OXA1L: variants seen among roughly 807,000 people sequenced by gnomAD.
OXA1L encodes OXA1L mitochondrial inner membrane insertase, also known as mitochondrial inner membrane protein OXA1L.
OXA1L carries 42 observed loss-of-function variants against 52.2 expected under a neutral mutation model. The ratio of observed to expected loss-of-function variants is 0.80; its 90% CI spans 0.63 to 1.04. The LOEUF (loss-of-function observed/expected upper bound fraction) is 1.04. OXA1L is among the 50% of genes least tolerant of loss of function. The pLI, the probability that OXA1L is intolerant of heterozygous loss-of-function variation, is 0.00. For missense variants in OXA1L, 572 were observed against 555.0 expected (o/e 1.03, Z -0.31); for synonymous variants, 239 against 201.9 (o/e 1.18, Z -1.56).
rs1463144461 is a variant in OXA1L at position 22,770,313 on chromosome 14, G to A, written c.669+35G>A. On this transcript the variant is annotated intron_variant, in intron 5 of 9. Coordinates refer to ENST00000612549, the MANE Select transcript of OXA1L (RefSeq NM_005015.5). ...AACATTTCCTTCCTTATTTCATCCAGTACCCATGAAATTTCCTCTCTGTGT... is the reference window on the plus strand; with the variant it reads ...AACATTTCCTTCCTTATTTCATCCAATACCCATGAAATTTCCTCTCTGTGT... 2.0e-6 allele frequency: 3 copies of A among 1,532,922 alleles called. No homozygotes were observed. In the East Asian group the frequency reaches 6.7e-5, roughly 34 times the overall value. 95.0% of individuals were successfully genotyped at this position (1,532,922 alleles called of 1,614,324 possible). A position where few individuals can be genotyped will look rare whatever the true frequency, so the allele number is the denominator to read the frequency against.
In OXA1L at chr14:22,770,473, ATCTCCTTCTT is replaced by A. The variant is rs2038448690; in HGVS notation, c.683_692del (p.Ile228ThrfsTer4). ...TCTTGTGTAATAGGCCCCAATCTTC[ATCTCCTTCTT>A]CATTGCTTTGAGAGAGATGGCCAAC... is the stretch of plus-strand genomic sequence containing the variant. On this transcript the variant is annotated frameshift_variant, in exon 6 of 10. Transcript: ENST00000612549. LOFTEE classifies it high-confidence loss of function. 1 of 1,613,494 alleles carries A rather than the reference ATCTCCTTCTT, an allele frequency of 6.2e-7. No homozygotes were observed. The highest frequency in any genetic ancestry group is 1.3e-5 in the African/African-American group (1 of 74,936).
At position 22,770,563 on chromosome 14, in the gene OXA1L, G is replaced by A; in HGVS notation, c.772G>A (p.Val258Ile). The change falls in exon 6 of 10, where the codon GTA becomes ATA. Residue 258 changes from valine to isoleucine, a missense_variant. Val to Ile is a conservative substitution (Grantham distance 29). This residue lies in a region of OXA1L where 244 missense variants were observed against 240.2 expected (regional missense o/e 1.02). Coordinates refer to ENST00000612549, the MANE Select transcript of OXA1L (RefSeq NM_005015.5). ...GGLWWFQDLT[V>I]SDPIYILPLA... ...CCTCTGGTGGTTCCAGGATCTCACG[G>A]TATCCGATCCCATCTACATATTACC... is the stretch of plus-strand genomic sequence containing the variant. The A allele has an allele frequency of 6.2e-7, 1 of 1,614,112 alleles. No individual in the cohort carries two copies. Among genetic ancestry groups the A allele is most frequent in the Non-Finnish European group, 8.5e-7 (1 of 1,179,982 alleles).
rs2139378254 is a variant in OXA1L, at chr14:22,772,282, A to C, written c.*724A>C. 1.3e-5 allele frequency: 2 copies of C among 150,314 alleles called. No homozygotes were observed. Among genetic ancestry groups the C allele is most frequent in the South Asian group, 2.1e-4 (1 of 4,702 alleles). The allele number at this position is 150,314 out of a possible 1,614,324, so 9.3% of individuals were successfully genotyped here. A position where few individuals can be genotyped will look rare whatever the true frequency, so the allele number is the denominator to read the frequency against. On this transcript the variant is annotated 3_prime_UTR_variant, in exon 10 of 10. Coordinates refer to ENST00000612549, the MANE Select transcript of OXA1L (RefSeq NM_005015.5). The stretch of plus-strand genomic sequence containing the variant: ...GGCGGATCACGAAGTCAGCAGATCG[A>C]GACCATCCTGGCCAACATGGTGAAA...
chr14:22,770,419 T>C, intron 5 of OXA1L, 42 bp from the exon 6 acceptor site: 1 of 1,602,198 alleles, frequency 6.2e-7, no homozygotes, highest in South Asian at 1.1e-5. Flanking sequence ...GAAAATGTTC[T>C]CTCTGGTAAA....
chr14:22,767,921 A>T (rs2038423214), intron 2 of OXA1L, 37 bp from the exon 3 acceptor site: 1 of 1,513,750 alleles, frequency 6.6e-7, no homozygotes, highest in Non-Finnish European at 9.1e-7. Flanking sequence ...TGTGTTCGCT[A>T]CTGAATAAAT....
At chr14:22,767,828 C>T in intron 2 of OXA1L, 130 bp from the exon 3 acceptor site, 1 of 655,086 alleles carries the variant, frequency 1.5e-6, no homozygotes, top group Non-Finnish European at 2.5e-6. Context: ...TTGAAATCTG[C>T]AGACACTAGG....
At position 22,772,471 on chromosome 14, in the gene OXA1L, A is replaced by ACG. The variant is rs2038484547; in HGVS notation, c.*913_*914insCG. The ACG allele has an allele frequency of 7.7e-6, 1 of 129,820 alleles. No homozygotes were observed. The highest frequency in any genetic ancestry group is 1.6e-5 in the Non-Finnish European group (1 of 63,890). 8.0% of individuals were successfully genotyped at this position (129,820 alleles called of 1,614,324 possible). ...GCCACTGCACTCCAGCCTGGGCAAG[A>ACG]GAGTGAGACTCCTTCTCAAAAAAAA... On this transcript the variant is annotated 3_prime_UTR_variant, in exon 10 of 10. Coordinates refer to ENST00000612549, the MANE Select transcript of OXA1L (RefSeq NM_005015.5).
intron 1 of OXA1L, 42 bp from the exon 2 acceptor site, chr14:22,767,206 T>C (rs749071174): frequency 1.3e-6 from 2 of 1,579,964 alleles, no homozygotes; most frequent in Non-Finnish European, 1.7e-6. Context: ...CGAGGACTTC[T>C]GCTCCCGGTA....
intron 6 of OXA1L, 72 bp downstream of exon 6, chr14:22,770,697 A>G: frequency 6.4e-7 from 1 of 1,560,022 alleles, no homozygotes. Flanking sequence ...GTTGTACAGA[A>G]TGGTCATCCT....
At position 22,772,535 on chromosome 14, in the gene OXA1L, A is replaced by G. The variant is rs1455799159; in HGVS notation, c.*977A>G. 7.0e-6 allele frequency: 1 copy of G among 143,606 alleles called. No individual in the cohort carries two copies. Among genetic ancestry groups the G allele is most frequent in the South Asian group, 2.2e-4 (1 of 4,530 alleles). The allele number at this position is 143,606 out of a possible 1,614,324, so 8.9% of individuals were successfully genotyped here. ...AAAAAAAAAACAGTTTAAACTTCCA[A>G]CCCATGCATGTGTTGTTCTATGCAC... On this transcript the variant is annotated 3_prime_UTR_variant, in exon 10 of 10. Transcript: ENST00000612549.
At chr14:22,768,282 G>C (rs1175863187) in intron 3 of OXA1L, 111 bp downstream of exon 3, 2 of 778,950 alleles carry the variant, frequency 2.6e-6, no homozygotes, top group East Asian at 5.2e-5. Flanking sequence ...AAGAGCAGAT[G>C]ATTTCAAATG....
Position 22,771,309 on chromosome 14 carries a change from G to T in OXA1L, c.1144G>T (p.Glu382Ter). ...AEMTRQLRER[E>*]QRMRNQLELA... Reference sequence around the variant, plus strand: ...AATGACGCGTCAGCTGCGAGAGCGTGAACAACGCATGCGGAATCAGTTGGA... The same window carrying T: ...AATGACGCGTCAGCTGCGAGAGCGTTAACAACGCATGCGGAATCAGTTGGA... The change falls in exon 9 of 10, where the codon GAA becomes TAA. Residue 382 changes from glutamate to a stop codon, truncating the protein, a stop_gained. Transcript: ENST00000612549. LOFTEE classifies it high-confidence loss of function. 1 of 1,614,174 alleles carries T rather than the reference G, an allele frequency of 6.2e-7. No homozygotes were observed. Among genetic ancestry groups the T allele is most frequent in the South Asian group, 1.1e-5 (1 of 91,066 alleles).
In OXA1L at chr14:22,766,773, G is replaced by C. The variant is rs368949933; in HGVS notation, c.63+9G>C. ...TACAGTCCGGGCGTCGGGTAAGGAT[G>C]CCCCGGGGCAGAGCACCGGGATGCT... On this transcript the variant is annotated intron_variant, in intron 1 of 9. Coordinates refer to ENST00000612549, the MANE Select transcript of OXA1L (RefSeq NM_005015.5). 5 of 1,613,890 alleles carry C rather than the reference G, an allele frequency of 3.1e-6. No individual in the cohort carries two copies. Among genetic ancestry groups the C allele is most frequent in the Non-Finnish European group, 4.2e-6 (5 of 1,179,992 alleles).
In OXA1L at chr14:22,771,447, G is replaced by A; in HGVS notation, c.1197G>A (p.Gln399=). ...LELAARGPLR[Q]TFTHNPLLQP... is the part of the protein sequence containing the mutation. Reference sequence around the variant, plus strand: ...TTCTCCCCTCAGGTCCTTTACGACAGACCTTTACCCACAACCCTCTCCTAC... The same window carrying A: ...TTCTCCCCTCAGGTCCTTTACGACAAACCTTTACCCACAACCCTCTCCTAC... The change falls in exon 10 of 10, where the codon CAG becomes CAA. Residue 399 remains glutamine, a synonymous_variant. Coordinates refer to ENST00000612549, the MANE Select transcript of OXA1L (RefSeq NM_005015.5). 1 of 1,614,180 alleles carries A rather than the reference G, an allele frequency of 6.2e-7. No homozygotes were observed. Among genetic ancestry groups the A allele is most frequent in the South Asian group, 1.1e-5 (1 of 91,080 alleles).
At chr14:22,771,206 G>C in intron 8 of OXA1L, 26 bp downstream of exon 8, 1 of 1,613,296 alleles carries the variant, frequency 6.2e-7, no homozygotes, top group Non-Finnish European at 8.5e-7. Context: ...CTGTGAAAAA[G>C]GACTAGGGAA....
chr14:22,770,849 G>A lies in OXA1L; in HGVS notation c.879G>A (p.Met293Ile), dbSNP rs1209811389. The A allele has an allele frequency of 1.2e-6, 2 of 1,614,208 alleles. No homozygotes were observed. The highest frequency in any genetic ancestry group is 1.7e-6 in the Non-Finnish European group (2 of 1,180,036). Residue 293 changes from methionine to isoleucine, a missense_variant, in exon 7 of 10, where the codon ATG becomes ATA. By Grantham distance (10) the Met-to-Ile change is conservative. Around this residue, in one of 5 missense-constraint regions of OXA1L, gnomAD observed 244 missense variants for 240.2 expected, o/e 1.02. Coordinates refer to ENST00000612549, the MANE Select transcript of OXA1L (RefSeq NM_005015.5). ...TGCAAAGTTCTGACCTTCAGTGGAT[G>A]AGAAATGTCATCAGAATGATGCCCC... Reference protein sequence around the residue: ...TGVQSSDLQWMRNVIRMMPLI... With the variant: ...TGVQSSDLQWIRNVIRMMPLI...
chr14:22,769,948 A>C lies in OXA1L; in HGVS notation c.583+14A>C, dbSNP rs1278668891. Reference sequence around the variant, plus strand: ...ACCATATTGAGTGTGAGTCAGTTGCAGAATGAGCGTGGGAGAAGTCCACAT... The same window carrying C: ...ACCATATTGAGTGTGAGTCAGTTGCCGAATGAGCGTGGGAGAAGTCCACAT... On this transcript the variant is annotated intron_variant, in intron 4 of 9. Coordinates refer to ENST00000612549, the MANE Select transcript of OXA1L (RefSeq NM_005015.5). 1.9e-6 allele frequency: 3 copies of C among 1,613,934 alleles called. No homozygotes were observed. The South Asian group carries it at 3.3e-5, about 18-fold the overall frequency.
chr14:22,768,339 T>G lies in OXA1L; in HGVS notation c.439+168T>G, dbSNP rs116846451. On this transcript the variant is annotated intron_variant, in intron 3 of 9. Coordinates refer to ENST00000612549, the MANE Select transcript of OXA1L (RefSeq NM_005015.5). ...CTAGATGCACTCTGCCTATATTTCT[T>G]AAAGAGCATTATAAAACCACCAGAT... 1.1e-4 allele frequency: 65 copies of G among 604,678 alleles called. No homozygotes were observed. The East Asian group carries it at 1.7e-3, about 16-fold the overall frequency. The allele number at this position is 604,678 out of a possible 1,614,324, so 37.5% of individuals were successfully genotyped here. A position where few individuals can be genotyped will look rare whatever the true frequency, so the allele number is the denominator to read the frequency against.
At chr14:22,766,805 A>G (rs777612175) in intron 1 of OXA1L, 41 bp downstream of exon 1, 8 of 1,611,518 alleles carry the variant, frequency 5.0e-6, no homozygotes, top group Non-Finnish European at 6.8e-6. Context: ...TGCTGCCCTG[A>G]CCCAGTGAAC....
Sources: gnomAD v4.1 joint callset for allele counts on GRCh38, gnomAD v4.1.1 for gene constraint, gnomAD v4.1.1 regional missense constraint, MANE v1.5 for transcripts, NCBI Gene and HGNC (gene_info 2026-07-23, HGNC 2026-07-21) for gene names.